PPP1R21: variants seen among roughly 807,000 people sequenced by gnomAD.
PPP1R21 encodes the protein protein phosphatase 1 regulatory subunit 21.
In PPP1R21, 85 loss-of-function variants were observed where a neutral mutation model predicts 112.8. The ratio of observed to expected loss-of-function variants is 0.75; its 90% CI spans 0.63 to 0.90. The LOEUF (loss-of-function observed/expected upper bound fraction) is 0.90, where lower values mean the gene tolerates loss of function less well. PPP1R21 is among the 40% of genes least tolerant of loss of function. The pLI is 0.00. For missense variants in PPP1R21, 1,199 were observed against 901.5 expected (o/e 1.33, Z -4.23); for synonymous variants, 381 against 322.3 (o/e 1.18, Z -1.95).
At chr2:48,488,694 T>C (rs567106879) in intron 14 of PPP1R21, among the ~76,000 whole-genome samples, 1 of 152,358 alleles carries the variant, frequency 6.6e-6, no homozygotes, top group Non-Finnish European at 1.5e-5. Context: ...AGGAAAGATA[T>C]CTGATCTTCA....
At chr2:48,478,791 A>G (rs772805072) in intron 12 of PPP1R21, among the ~76,000 whole-genome samples, 6 of 152,108 alleles carry the variant, frequency 3.9e-5, no homozygotes, top group Non-Finnish European at 8.8e-5. Flanking sequence ...TTTCTTCTTC[A>G]TTGCTTTTAC....
At position 48,511,443 on chromosome 2, in the gene PPP1R21, T is replaced by C. The variant is rs779007696; in HGVS notation, c.2288T>C (p.Ile763Thr). The C allele has an allele frequency of 2.5e-6, 4 of 1,613,932 alleles. No homozygotes were observed. The highest frequency in any genetic ancestry group is 2.7e-5 in the African/African-American group (2 of 74,904). ...NETLSKQREE[I>T]DTLKMSSKGN... The stretch of plus-strand genomic sequence containing the variant: ...ACATTATCTAAACAGAGAGAAGAGA[T>C]TGACACACTAAAGATGTCCAGTAAG... The change falls in exon 21 of 22, where the codon ATT (isoleucine) becomes ACT (threonine). Residue 763 changes from isoleucine (I) to threonine (T), a missense_variant. Coordinates refer to ENST00000294952, the MANE Select transcript of PPP1R21 (RefSeq NM_001135629.3).
intron 1 of PPP1R21, 36 bp downstream of exon 1, chr2:48,441,046 C>T (rs1435716580): frequency 2.0e-6 from 3 of 1,491,998 alleles, no homozygotes; most frequent in Admixed American, 1.7e-5. Context: ...GGGTCCCCCG[C>T]CCTGCGGCCT....
chr2:48,507,875 C>G (rs1024530128), intron 19 of PPP1R21, among the ~76,000 whole-genome samples: 2 of 147,554 alleles, frequency 1.4e-5, no homozygotes, highest in African/African-American at 5.0e-5. Flanking sequence ...GAGCGATTCT[C>G]CCGCCCCAGC....
chr2:48,458,815 G>A (rs780210803), intron 4 of PPP1R21, among the ~76,000 whole-genome samples: 1 of 152,076 alleles, frequency 6.6e-6, no homozygotes, highest in Non-Finnish European at 1.5e-5. Flanking sequence ...ATAGTGGGCT[G>A]GGCGCAGTGT....
Position 48,474,748 on chromosome 2 carries a change from C to G in PPP1R21, c.1154C>G (p.Ser385Cys). Reference sequence around the variant, plus strand: ...TTAAGAGCCAGGAATCTAGAGCTGTCCCAGGACATGAAAAAAATGACAGCT... The same window carrying G: ...TTAAGAGCCAGGAATCTAGAGCTGTGCCAGGACATGAAAAAAATGACAGCT... ...SALRARNLEL[S>C]QDMKKMTAVF... is the part of the protein sequence containing the mutation. Residue 385 changes from serine to cysteine, a missense_variant, in exon 12 of 22, where the codon TCC becomes TGC. Transcript: ENST00000294952. 1.9e-6 allele frequency: 3 copies of G among 1,613,306 alleles called. No individual in the cohort carries two copies. The highest frequency in any genetic ancestry group is 2.5e-6 in the Non-Finnish European group (3 of 1,179,506).
chr2:48,507,269 G>T lies in PPP1R21; in HGVS notation c.1969G>T (p.Val657Phe). Residue 657 changes from valine (V) to phenylalanine (F), a missense_variant and splice_region_variant, in exon 19 of 22, where the codon GTT becomes TTT. Coordinates refer to ENST00000294952, the MANE Select transcript of PPP1R21 (RefSeq NM_001135629.3). The part of the protein sequence containing the change: ...GTLTRTSDSE[V>F]PDVESREDLI... ...TTATGTGTATTTGTGTTCTATTTAG[G>T]TTCCAGATGTGGAATCTCGTGAAGA... is the stretch of plus-strand genomic sequence containing the variant. 9 of 1,544,216 alleles carry T rather than the reference G, an allele frequency of 5.8e-6. No homozygotes were observed. Among genetic ancestry groups the T allele is most frequent in the Non-Finnish European group, 7.8e-6 (9 of 1,154,246 alleles).
Position 48,451,052 on chromosome 2 carries a change from A to G in PPP1R21, c.102A>G (p.Glu34=), listed in dbSNP as rs1281738388. 6.2e-7 allele frequency: 1 copy of G among 1,613,804 alleles called. No homozygotes were observed. Among genetic ancestry groups the G allele is most frequent in the Non-Finnish European group, 8.5e-7 (1 of 1,179,722 alleles). ...NQVLKKGVVD[E]QANSAALKEQ... ...TTCTGAAAAAAGGTGTTGTGGATGA[A>G]CAAGCAAATTCTGCAGCTTTAAAGG... is the stretch of plus-strand genomic sequence containing the variant. Residue 34 remains glutamate, a synonymous_variant, in exon 2 of 22, where the codon GAA becomes GAG. Coordinates refer to ENST00000294952, the MANE Select transcript of PPP1R21 (RefSeq NM_001135629.3).
At chr2:48,446,827 A>G (rs1667267886) in intron 1 of PPP1R21, among the ~76,000 whole-genome samples, 1 of 151,940 alleles carries the variant, frequency 6.6e-6, no homozygotes. Flanking sequence ...GCTCACTGCA[A>G]CCTCCGTCCG....
At chr2:48,458,908 C>G (rs929081109) in intron 4 of PPP1R21, among the ~76,000 whole-genome samples, 1 of 151,828 alleles carries the variant, frequency 6.6e-6, no homozygotes, top group African/African-American at 2.4e-5. Context: ...CTGGCTAACA[C>G]GGTGAAACCC....
At chr2:48,477,153 A>C (rs1668795666) in intron 12 of PPP1R21, among the ~76,000 whole-genome samples, 1 of 127,926 alleles carries the variant, frequency 7.8e-6, no homozygotes, top group East Asian at 2.4e-4. Context: ...ACAGAGTCTC[A>C]CTCTATCACC....
At chr2:48,511,493 C>G (rs375487672) in intron 21 of PPP1R21, 25 bp downstream of exon 21, 16 of 1,605,066 alleles carry the variant, frequency 1.0e-5, no homozygotes, top group African/African-American at 4.0e-5. Flanking sequence ...GTGAGGTAGT[C>G]TCTCTGCAAT....
intron 19 of PPP1R21, among the ~76,000 whole-genome samples, chr2:48,509,596 T>G (rs1223837340): frequency 6.6e-6 from 1 of 151,672 alleles, no homozygotes; most frequent in African/African-American, 2.4e-5. Context: ...TCCCAGCTAC[T>G]CGGGAAGCTG....
At chr2:48,497,018 G>A (rs1669877581) in intron 16 of PPP1R21, among the ~76,000 whole-genome samples, 1 of 152,180 alleles carries the variant, frequency 6.6e-6, no homozygotes, top group African/African-American at 2.4e-5. Flanking sequence ...TGACTTCTGT[G>A]AGGCACTCCA....
At chr2:48,494,471 G>C (rs1669723699) in intron 15 of PPP1R21, among the ~76,000 whole-genome samples, 1 of 151,808 alleles carries the variant, frequency 6.6e-6, no homozygotes, top group Non-Finnish European at 1.5e-5. Flanking sequence ...CTGTCGCCCA[G>C]GCTGGAGTGC....
At chr2:48,504,755 C>T (rs1670294694) in intron 17 of PPP1R21, among the ~76,000 whole-genome samples, 1 of 152,210 alleles carries the variant, frequency 6.6e-6, no homozygotes, top group South Asian at 2.1e-4. Flanking sequence ...ACATGCCCCA[C>T]CACCTTGAAC....
At chr2:48,455,560 G>T (rs566282699) in intron 3 of PPP1R21, among the ~76,000 whole-genome samples, 1 of 152,282 alleles carries the variant, frequency 6.6e-6, no homozygotes, top group South Asian at 2.1e-4. Flanking sequence ...CAATTTTAAA[G>T]AACTTATTAG....
At position 48,514,751 on chromosome 2, in the gene PPP1R21, A is replaced by G; in HGVS notation, c.*7A>G. The stretch of plus-strand genomic sequence containing the variant: ...AAAGAACAAGAGTCGATAGTTTTGA[A>G]ATAGCTGGTTGGCGACTGTTCTTTC... On this transcript the variant is annotated 3_prime_UTR_variant, in exon 22 of 22. Transcript: ENST00000294952. 6.2e-7 allele frequency: 1 copy of G among 1,612,838 alleles called. No homozygotes were observed. The highest frequency in any genetic ancestry group is 2.2e-5 in the East Asian group (1 of 44,880).
intron 17 of PPP1R21, among the ~76,000 whole-genome samples, chr2:48,500,482 T>C (rs770166139): frequency 1.6e-4 from 24 of 151,874 alleles, no homozygotes; most frequent in Non-Finnish European, 2.8e-4. Flanking sequence ...CTGGGAGGTA[T>C]GGGGGGAAAA....
Sources: gnomAD v4.1 joint callset for allele counts (sites outside exome capture counted in the v4.1 genomes callset) on GRCh38, gnomAD v4.1.1 for gene constraint, MANE v1.5 for transcripts, NCBI Gene and HGNC (gene_info 2026-07-23, HGNC 2026-07-21) for gene names.